CNTN4: variants seen among roughly 807,000 people sequenced by gnomAD.
CNTN4 encodes contactin-4.
A neutral mutation model predicts 122.5 loss-of-function variants in CNTN4; 77 were observed. The ratio of observed to expected loss-of-function variants is 0.63; its 90% confidence interval spans 0.52 to 0.76. CNTN4 has a LOEUF of 0.76. Among genes scored for constraint, CNTN4 ranks in the 30% least tolerant of loss-of-function variants. The pLI is 0.00. For missense variants in CNTN4, 1,256 were observed against 1,259.1 expected (o/e 1.00, Z 0.04); for synonymous variants, 512 against 447.0 (o/e 1.15, Z -1.83).
At chr3:2,550,388 A>T (rs944628146) in intron 3 of CNTN4, among the ~76,000 whole-genome samples, 6 of 152,186 alleles carry the variant, frequency 3.9e-5, no homozygotes, top group African/African-American at 1.4e-4. Context: ...TGCAAATCAA[A>T]ACCACAGTGA....
intron 4 of CNTN4, among the ~76,000 whole-genome samples, chr3:2,633,884 G>A (rs2082546620): frequency 6.6e-6 from 1 of 152,180 alleles, no homozygotes; most frequent in Non-Finnish European, 1.5e-5. Flanking sequence ...GAGTAAAGTA[G>A]TATAGTGGAA....
intron 3 of CNTN4, among the ~76,000 whole-genome samples, chr3:2,465,475 G>A (rs532765464): frequency 5.3e-5 from 8 of 152,192 alleles, no homozygotes; most frequent in African/African-American, 1.7e-4. Context: ...TCAGGAGTTC[G>A]TGACCAGCCT....
At chr3:2,949,429 G>T (rs1319741574) in intron 13 of CNTN4, among the ~76,000 whole-genome samples, 1 of 152,152 alleles carries the variant, frequency 6.6e-6, no homozygotes, top group African/African-American at 2.4e-5. Context: ...GCACCCTAGC[G>T]ATGCTTTCAG....
At position 2,901,644 on chromosome 3, in the gene CNTN4, A is replaced by G. The variant is rs564954608; in HGVS notation, c.1077+823A>G. 2.0e-5 allele frequency among the ~76,000 whole-genome samples: 3 copies of G among 152,320 alleles called. No homozygotes were observed. The South Asian group carries it at 6.2e-4, about 32-fold the overall frequency. On this transcript the variant is annotated intron_variant, in intron 11 of 24. Transcript: ENST00000418658. ...TACCAAAATGCCAGGGAGTTGGTCT[A>G]GGTCCTGTTGCTTGCTGTGCAGAGA...
At chr3:2,815,664 A>G (rs1156785015) in intron 6 of CNTN4, among the ~76,000 whole-genome samples, 1 of 152,138 alleles carries the variant, frequency 6.6e-6, no homozygotes, top group Non-Finnish European at 1.5e-5. Context: ...CCACTATGGA[A>G]AACAGTGTGG....
At chr3:2,279,823 A>G (rs914125090) in intron 2 of CNTN4, among the ~76,000 whole-genome samples, 2 of 151,432 alleles carry the variant, frequency 1.3e-5, no homozygotes, top group African/African-American at 4.8e-5. Flanking sequence ...ATTCTGTGTA[A>G]AGATATTTTA....
chr3:2,360,834 A>T (rs1365011012), intron 3 of CNTN4, among the ~76,000 whole-genome samples: 2 of 152,198 alleles, frequency 1.3e-5, no homozygotes, highest in Non-Finnish European at 2.9e-5. Flanking sequence ...GATTATGGGG[A>T]TTACAATTCA....
rs148788269 is a variant in CNTN4, at chr3:2,853,888, A to G, written c.455-12864A>G. 3.3e-5 allele frequency among the ~76,000 whole-genome samples: 5 copies of G among 152,270 alleles called. No individual in the cohort carries two copies. The East Asian group carries it at 5.8e-4, about 18-fold the overall frequency. On this transcript the variant is annotated intron_variant, in intron 7 of 24. Transcript: ENST00000418658. ...TCTCCTGTGACTCACTCCCATCTCT[A>G]TGCTGGCCTTGGGGGAATGATGACT...
At chr3:2,783,813 G>A (rs185807076) in intron 6 of CNTN4, among the ~76,000 whole-genome samples, 2 of 152,268 alleles carry the variant, frequency 1.3e-5, no homozygotes, top group Admixed American at 1.3e-4. Context: ...GCTAATTGCT[G>A]CTGTTCCTAA....
chr3:2,847,398 A>C (rs146853267), intron 7 of CNTN4, among the ~76,000 whole-genome samples: 1 of 152,306 alleles, frequency 6.6e-6, no homozygotes, highest in African/African-American at 2.4e-5. Flanking sequence ...GTCAGGCATC[A>C]TCAAAGAGGG....
intron 4 of CNTN4, among the ~76,000 whole-genome samples, chr3:2,702,598 G>C (rs556086920): frequency 8.5e-5 from 13 of 152,340 alleles, no homozygotes; most frequent in Non-Finnish European, 1.5e-4. Context: ...ATCAAGGTGT[G>C]AGGGTTAGGA....
At chr3:2,860,491 A>G (rs1045111318) in intron 7 of CNTN4, among the ~76,000 whole-genome samples, 7 of 152,140 alleles carry the variant, frequency 4.6e-5, no homozygotes, top group Non-Finnish European at 8.8e-5. Context: ...AATATTCCTA[A>G]TAGGGGTCCT....
intron 2 of CNTN4, among the ~76,000 whole-genome samples, chr3:2,166,654 A>C (rs113853020): frequency 6.6e-6 from 1 of 152,178 alleles, no homozygotes; most frequent in Non-Finnish European, 1.5e-5. Flanking sequence ...AGCTTATTTC[A>C]AGAGAATCTA....
chr3:2,898,365 T>C (rs755643502), intron 10 of CNTN4, among the ~76,000 whole-genome samples: 3 of 152,212 alleles, frequency 2.0e-5, no homozygotes, highest in Non-Finnish European at 4.4e-5. Context: ...AGACACTGAA[T>C]TTTTTGTTGA....
chr3:2,308,033 A>T (rs886829343), intron 2 of CNTN4, among the ~76,000 whole-genome samples: 5 of 152,066 alleles, frequency 3.3e-5, no homozygotes, highest in Non-Finnish European at 7.4e-5. Context: ...CTGCTCATGG[A>T]CTTTTTTATG....
At chr3:2,152,948 C>T (rs934089448) in intron 2 of CNTN4, among the ~76,000 whole-genome samples, 1 of 152,146 alleles carries the variant, frequency 6.6e-6, no homozygotes, top group African/African-American at 2.4e-5. Context: ...CCAGCTAAGC[C>T]CAGCTCATCC....
At chr3:2,265,431 A>C (rs1489722257) in intron 2 of CNTN4, among the ~76,000 whole-genome samples, 4 of 152,006 alleles carry the variant, frequency 2.6e-5, no homozygotes, top group Non-Finnish European at 5.9e-5. Context: ...ATCTGTTTTT[A>C]TGCCAGTATC....
At chr3:2,702,152 G>T in intron 4 of CNTN4, among the ~76,000 whole-genome samples, 1 of 152,192 alleles carries the variant, frequency 6.6e-6, no homozygotes, top group East Asian at 1.9e-4. Context: ...ATGTCTGATT[G>T]ACTTACTTTG....
rs575550710 is a variant in CNTN4 at position 2,749,640 on chromosome 3, A to G, written c.358+3943A>G. 8.2e-4 allele frequency among the ~76,000 whole-genome samples: 125 copies of G among 152,298 alleles called. No homozygotes were observed. In the South Asian group the frequency reaches 0.014, roughly 17 times the overall value. On this transcript the variant is annotated intron_variant, in intron 6 of 24. Coordinates refer to ENST00000418658, the MANE Select transcript of CNTN4 (RefSeq NM_175607.3). Reference sequence around the variant, plus strand: ...GAATTCCTGTGTTACGTGCCTGTTCAGTAACACAACAAAGAAAATATATGT... The same window carrying G: ...GAATTCCTGTGTTACGTGCCTGTTCGGTAACACAACAAAGAAAATATATGT...
Sources: allele counts gnomAD v4.1 joint callset (sites outside exome capture counted in the v4.1 genomes callset), GRCh38; gene constraint gnomAD v4.1.1; transcripts MANE v1.5; gene names NCBI Gene and HGNC (gene_info 2026-07-23, HGNC 2026-07-21).